Variants in THSD4 observed in about 807,000 individuals in gnomAD.
THSD4 encodes thrombospondin type 1 domain containing 4, also known as thrombospondin type-1 domain-containing protein 4.
In THSD4, 69 loss-of-function variants were observed where a neutral mutation model predicts 119.0. That is an observed-to-expected ratio of 0.58 (90% CI 0.48 to 0.71). The LOEUF (loss-of-function observed/expected upper bound fraction) is 0.71, where lower values mean the gene tolerates loss of function less well. THSD4 is among the 30% of genes least tolerant of loss of function. THSD4 has a pLI of 0.00. For missense variants in THSD4, 1,393 were observed against 1,391.1 expected, an observed-to-expected ratio of 1.00 and a Z score of -0.02; for synonymous variants, 524 against 540.4, an observed-to-expected ratio of 0.97 and a Z score of 0.42.
chr15:71,441,610 G>C (rs1052214912), intron 7 of THSD4, among the ~76,000 whole-genome samples: 5 of 151,752 alleles, frequency 3.3e-5, no homozygotes, highest in African/African-American at 1.2e-4. Flanking sequence ...GGCCAGGCTG[G>C]TCTCGAACTG....
At chr15:71,591,276 C>T (rs954681147) in intron 7 of THSD4, among the ~76,000 whole-genome samples, 1 of 152,160 alleles carries the variant, frequency 6.6e-6, no homozygotes, top group Non-Finnish European at 1.5e-5. Flanking sequence ...TTCGGAATTG[C>T]AATTGGCTGT....
rs147800627 is a variant in THSD4 at position 71,546,303 on chromosome 15, A to G, written c.1153-114227A>G. ...CTGTGGCCACCAAGAGCCTCAGAAT[A>G]GCACCTTGAGCCCACTCTAGGCAGA... On this transcript the variant is annotated intron_variant, in intron 7 of 17. Transcript: ENST00000261862. Among the ~76,000 whole-genome samples the G allele has an allele frequency of 4.3e-3, 651 of 152,192 alleles. 3 individuals are homozygous for G. Among genetic ancestry groups the G allele is most frequent in the African/African-American group, 0.015 (636 of 41,526 alleles).
intron 7 of THSD4, among the ~76,000 whole-genome samples, chr15:71,628,656 C>T (rs979607077): frequency 9.2e-5 from 14 of 152,188 alleles, no homozygotes; most frequent in East Asian, 1.9e-4. Flanking sequence ...TGTTAGTTTG[C>T]AGGTGACACT....
chr15:71,564,551 AC>A (rs2049186162), intron 7 of THSD4, among the ~76,000 whole-genome samples: 1 of 149,688 alleles, frequency 6.7e-6, no homozygotes, highest in African/African-American at 2.4e-5. Flanking sequence ...ATTACCCAAA[AC>A]CCTTGAGACT....
At chr15:71,567,602 C>CAA (rs1555427640) in intron 7 of THSD4, among the ~76,000 whole-genome samples, 1 of 142,506 alleles carries the variant, frequency 7.0e-6, no homozygotes, top group Admixed American at 7.2e-5. Flanking sequence ...AGACACCCCC[C>CAA]CACACACACA....
At position 71,517,915 on chromosome 15, in the gene THSD4, G is replaced by A. The variant is rs1306834758; in HGVS notation, c.1152+106092G>A. On this transcript the variant is annotated intron_variant, in intron 7 of 17. Coordinates refer to ENST00000261862, the MANE Select transcript of THSD4 (RefSeq NM_024817.3). Reference sequence around the variant, plus strand: ...ATCAGAACTCCTTCCAGAGCCATAAGGTTACTGGAGGTCCCCCAGAGGGAG... The same window carrying A: ...ATCAGAACTCCTTCCAGAGCCATAAAGTTACTGGAGGTCCCCCAGAGGGAG... Among the ~76,000 whole-genome samples the A allele has an allele frequency of 2.0e-5, 3 of 152,234 alleles. No individual in the cohort carries two copies. In the East Asian group the frequency reaches 5.8e-4, roughly 29 times the overall value.
chr15:71,566,629 C>A (rs1364149451), intron 7 of THSD4, among the ~76,000 whole-genome samples: 1 of 152,106 alleles, frequency 6.6e-6, no homozygotes, highest in Admixed American at 6.5e-5. Context: ...CCATCCCTAC[C>A]TTTCCTACCC....
chr15:71,434,300 T>C (rs1314375824), intron 7 of THSD4, among the ~76,000 whole-genome samples: 2 of 152,140 alleles, frequency 1.3e-5, no homozygotes, highest in African/African-American at 2.4e-5. Context: ...ACACATTATG[T>C]ACACAGAAGC....
At chr15:71,771,010 G>A in intron 16 of THSD4, 54 bp from the exon 17 acceptor site, 2 of 1,590,720 alleles carry the variant, frequency 1.3e-6, no homozygotes, top group Non-Finnish European at 1.7e-6. Context: ...TCTCCAGTGT[G>A]CTGAGCTATT....
intron 8 of THSD4, among the ~76,000 whole-genome samples, chr15:71,677,230 C>T (rs2051671026): frequency 6.6e-6 from 1 of 152,276 alleles, no homozygotes; most frequent in Middle Eastern, 3.4e-3. Context: ...CCCCTGGAGA[C>T]GATTAAGTCA....
chr15:71,417,070 A>C lies in THSD4; in HGVS notation c.1152+5247A>C, dbSNP rs1244534753. On this transcript the variant is annotated intron_variant, in intron 7 of 17. Transcript: ENST00000261862. ...CACTGCACCTGGCCCTGCCCATTTT[A>C]AAATCAGATTATTAGATATTTTTCC... Among the ~76,000 whole-genome samples the C allele has an allele frequency of 6.8e-5, 7 of 103,210 alleles. 3 individuals are homozygous for C. Among genetic ancestry groups the C allele is most frequent in the African/African-American group, 2.3e-4 (7 of 30,534 alleles). 67.7% of individuals were successfully genotyped at this position (103,210 alleles called of 152,430 possible).
chr15:71,334,647 G>A (rs1332118004), intron 6 of THSD4, among the ~76,000 whole-genome samples: 1 of 152,218 alleles, frequency 6.6e-6, no homozygotes, highest in East Asian at 1.9e-4. Flanking sequence ...CCAAATGCCA[G>A]CCCATCAAGG....
intron 6 of THSD4, among the ~76,000 whole-genome samples, chr15:71,396,101 CTGAA>C (rs946903607): frequency 6.6e-6 from 1 of 152,084 alleles, no homozygotes; most frequent in African/African-American, 2.4e-5. Flanking sequence ...CCAATAGACT[CTGAA>C]TGAAACGTGT....
chr15:71,471,099 G>A lies in THSD4; in HGVS notation c.1152+59276G>A, dbSNP rs75687943. ...TTTGGGATAACCCCTTGGCCTTGAT[G>A]CCTGTCGGTTCCTGCACATTCCTGT... On this transcript the variant is annotated intron_variant, in intron 7 of 17. Coordinates refer to ENST00000261862, the MANE Select transcript of THSD4 (RefSeq NM_024817.3). 3.6e-3 allele frequency among the ~76,000 whole-genome samples: 541 copies of A among 152,302 alleles called. 1 individual carries two copies. The highest frequency in any genetic ancestry group is 0.012 in the African/African-American group (508 of 41,564).
intron 16 of THSD4, among the ~76,000 whole-genome samples, chr15:71,768,061 C>G (rs2053744930): frequency 6.6e-6 from 1 of 151,974 alleles, no homozygotes; most frequent in Non-Finnish European, 1.5e-5. Context: ...TTATGAAAAC[C>G]CGTAAATGAA....
chr15:71,667,159 A>G (rs1159933336), intron 8 of THSD4, among the ~76,000 whole-genome samples: 1 of 152,192 alleles, frequency 6.6e-6, no homozygotes, highest in Non-Finnish European at 1.5e-5. Flanking sequence ...TAGAGTCCTA[A>G]ATTTTTTTAA....
At chr15:71,398,340 A>C (rs1791507910) in intron 6 of THSD4, among the ~76,000 whole-genome samples, 1 of 152,106 alleles carries the variant, frequency 6.6e-6, no homozygotes, top group Non-Finnish European at 1.5e-5. Context: ...ATAAAGCTAC[A>C]ACAGGTTCTT....
rs992440158 is a variant in THSD4, at chr15:71,560,976, T to A, written c.1153-99554T>A. Among the ~76,000 whole-genome samples, 475 of 146,144 alleles carry A rather than the reference T, an allele frequency of 3.3e-3. 8 individuals are homozygous for A. The highest frequency in any genetic ancestry group is 7.5e-3 in the Admixed American group (110 of 14,690). On this transcript the variant is annotated intron_variant, in intron 7 of 17. Transcript: ENST00000261862. The stretch of plus-strand genomic sequence containing the variant: ...TAAGCATCATTCTCTTTATCTTTTT[T>A]TTTTTTTTTTTTTTTTGAGATGGAG...
intron 7 of THSD4, among the ~76,000 whole-genome samples, chr15:71,520,091 AC>A (rs545039132): frequency 2.6e-5 from 4 of 152,188 alleles, no homozygotes; most frequent in Non-Finnish European, 4.4e-5. Flanking sequence ...AACTGTAGAT[AC>A]TATTATTAGC....
Sources: allele counts gnomAD v4.1 joint callset (sites outside exome capture counted in the v4.1 genomes callset), GRCh38; gene constraint gnomAD v4.1.1; transcripts MANE v1.5; gene names NCBI Gene and HGNC (gene_info 2026-07-23, HGNC 2026-07-21).